Variants in NUP210L observed in about 807,000 individuals in gnomAD.
NUP210L encodes the protein nucleoporin 210 like.
A neutral mutation model predicts 208.5 loss-of-function variants in NUP210L; 74 were observed. The ratio of observed to expected loss-of-function variants is 0.35; its 90% confidence interval spans 0.29 to 0.43. The LOEUF is 0.43. Ranked by LOEUF, NUP210L falls within the 20% of genes least tolerant of loss-of-function variation. The pLI, the probability that NUP210L is intolerant of heterozygous loss-of-function variation, is 1.00. For synonymous variants in NUP210L, 780 were observed against 816.9 expected, an observed-to-expected ratio of 0.95 and a Z score of 0.77; for missense variants, 1,843 against 2,289.4, an observed-to-expected ratio of 0.81 and a Z score of 3.98.
intron 27 of NUP210L, among the ~76,000 whole-genome samples, chr1:154,041,071 C>T (rs1392601421): frequency 6.6e-6 from 1 of 151,926 alleles, no homozygotes; most frequent in African/African-American, 2.4e-5. Flanking sequence ...CTCAAGTGAT[C>T]CTCCTGCCTC....
chr1:154,111,885 T>A (rs574751083), intron 12 of NUP210L, among the ~76,000 whole-genome samples: 1 of 151,726 alleles, frequency 6.6e-6, no homozygotes, highest in South Asian at 2.1e-4. Context: ...GGAAAAACTC[T>A]TGACAAAATA....
Position 154,005,147 on chromosome 1 carries a change from G to A in NUP210L, c.4931-3162C>T, listed in dbSNP as rs527368097. 4.0e-5 allele frequency among the ~76,000 whole-genome samples: 6 copies of A among 151,226 alleles called. No homozygotes were observed. The South Asian group carries it at 8.4e-4, about 21-fold the overall frequency. On this transcript the variant is annotated intron_variant, in intron 35 of 39. Coordinates refer to ENST00000368559, the Ensembl canonical transcript of NUP210L. Reference sequence around the variant, plus strand: ...ATTACAGGCATGAGCCACCGTGCCCGGCCTCCTCTTTTCTTTTTCTTATCC... The same window carrying A: ...ATTACAGGCATGAGCCACCGTGCCCAGCCTCCTCTTTTCTTTTTCTTATCC...
chr1:154,092,628 C>T (rs1655991556), intron 15 of NUP210L, among the ~76,000 whole-genome samples: 1 of 151,438 alleles, frequency 6.6e-6, no homozygotes, highest in Admixed American at 6.6e-5. Context: ...CTCAAATGAT[C>T]CACCTGCCTC....
chr1:153,995,712 T>C lies in NUP210L; in HGVS notation c.5387-532A>G, dbSNP rs552103815. The C allele has an allele frequency of 4.2e-6, 4 of 959,534 alleles. No individual in the cohort carries two copies. In the East Asian group the frequency reaches 1.0e-4, roughly 24 times the overall value. 59.4% of individuals were successfully genotyped at this position (959,534 alleles called of 1,614,324 possible). A position where few individuals can be genotyped will look rare whatever the true frequency, so the allele number is the denominator to read the frequency against. On this transcript the variant is annotated intron_variant, in intron 37 of 39. Transcript: ENST00000368559. ...AAACTAGGCTGTCCCAAACCCTTGG[T>C]AATAGAATTGTTTACCTTTATACCA... is the stretch of plus-strand genomic sequence containing the variant.
intron 16 of NUP210L, among the ~76,000 whole-genome samples, chr1:154,077,816 C>A (rs1455831136): frequency 6.6e-6 from 1 of 151,838 alleles, no homozygotes; most frequent in African/African-American, 2.4e-5. Context: ...AAAACCCTGT[C>A]TCTACTAAAA....
At chr1:154,136,056 T>C (rs1039410979) in intron 6 of NUP210L, 84 bp from the exon 7 acceptor site, 5 of 942,458 alleles carry the variant, frequency 5.3e-6, no homozygotes, top group Non-Finnish European at 8.4e-6. Flanking sequence ...AAAGGAATGA[T>C]CAGGAAGCAG....
intron 25 of NUP210L, 72 bp downstream of exon 25, chr1:154,054,156 C>T: frequency 6.6e-7 from 1 of 1,515,976 alleles, no homozygotes; most frequent in Non-Finnish European, 9.1e-7. Flanking sequence ...CTCATTACCA[C>T]TGCCTCCCTA....
At chr1:154,068,538 G>C (rs922865607) in intron 17 of NUP210L, among the ~76,000 whole-genome samples, 33 of 152,120 alleles carry the variant, frequency 2.2e-4, no homozygotes, top group African/African-American at 7.9e-4. Flanking sequence ...AAATTAGCTG[G>C]GTGTGGTGGT....
At chr1:154,033,001 G>GA (rs1264936002) in intron 27 of NUP210L, among the ~76,000 whole-genome samples, 1 of 132,922 alleles carries the variant, frequency 7.5e-6, no homozygotes, top group African/African-American at 3.2e-5. Context: ...AAGAAAGAAA[G>GA]AAAAAAAGAA....
At position 154,125,752 on chromosome 1, in the gene NUP210L, GTTTTTTTTTTTTTTTTTTT is replaced by G. The variant is rs1162421953; in HGVS notation, c.1326+552_1326+570del. On this transcript the variant is annotated intron_variant, in intron 10 of 39. Transcript: ENST00000368559. ...AAGGAAGGAAGGGAGGGAGGGAAATGTTTTTTTTTTTTTTTTTTTTTTTTTTTTTTTTTGAGACGGAGTC... is the reference window on the plus strand; with the variant it reads ...AAGGAAGGAAGGGAGGGAGGGAAATGTTTTTTTTTTTTTTGAGACGGAGTC... Among the ~76,000 whole-genome samples, 2 of 3,070 alleles carry G rather than the reference GTTTTTTTTTTTTTTTTTTT, an allele frequency of 6.5e-4. 1 individual carries two copies. The highest frequency in any genetic ancestry group is 0.033 in the South Asian group (2 of 60). The allele number at this position is 3,070 out of a possible 152,430, so 2.0% of individuals were successfully genotyped here. A position where few individuals can be genotyped will look rare whatever the true frequency, so the allele number is the denominator to read the frequency against.
intron 2 of NUP210L, among the ~76,000 whole-genome samples, chr1:154,146,263 T>C (rs1659106073): frequency 6.6e-6 from 1 of 152,144 alleles, no homozygotes; most frequent in African/African-American, 2.4e-5. Flanking sequence ...CATTGAAATA[T>C]AGCCCCCAAA....
intron 32 of NUP210L, among the ~76,000 whole-genome samples, chr1:154,020,241 T>C (rs941193768): frequency 3.3e-5 from 5 of 152,224 alleles, no homozygotes; most frequent in African/African-American, 1.2e-4. Context: ...GCCAAAACCA[T>C]ACATTACTAC....
intron 16 of NUP210L, among the ~76,000 whole-genome samples, chr1:154,084,912 A>G (rs1055447157): frequency 5.3e-5 from 8 of 149,784 alleles, no homozygotes; most frequent in Non-Finnish European, 7.4e-5. Flanking sequence ...ATGTGTGGAA[A>G]TTAAAAATAC....
At chr1:153,993,200 A>G in intron 38 of NUP210L, 111 bp from the exon 39 acceptor site, 1 of 672,946 alleles carries the variant, frequency 1.5e-6, no homozygotes, top group Admixed American at 3.1e-5. Flanking sequence ...AATAAGTAAT[A>G]GTAATGGCAC....
chr1:154,090,364 A>G (rs1308764207), intron 15 of NUP210L, among the ~76,000 whole-genome samples: 1 of 152,258 alleles, frequency 6.6e-6, no homozygotes, highest in South Asian at 2.1e-4. Context: ...ATGTGGAAAC[A>G]AAAAGAAATT....
At position 153,998,700 on chromosome 1, in the gene NUP210L, T is replaced by C. The variant is rs913765935; in HGVS notation, c.5386+2156A>G. Among the ~76,000 whole-genome samples the C allele has an allele frequency of 4.0e-5, 6 of 148,568 alleles. 1 individual carries two copies. On this transcript the variant is annotated intron_variant, in intron 37 of 39. Transcript: ENST00000368559. ...TTCCAATACATTCTGTGATAGTATCTAGAGATCCTTTTTTTTTTTTTTTTT... is the reference window on the plus strand; with the variant it reads ...TTCCAATACATTCTGTGATAGTATCCAGAGATCCTTTTTTTTTTTTTTTTT...
intron 16 of NUP210L, among the ~76,000 whole-genome samples, chr1:154,083,019 G>A (rs1430518177): frequency 3.9e-5 from 6 of 152,206 alleles, no homozygotes; most frequent in Non-Finnish European, 5.9e-5. Flanking sequence ...TTCGTGGTGA[G>A]TGTTACAGCT....
intron 25 of NUP210L, among the ~76,000 whole-genome samples, chr1:154,050,674 A>G (rs1303431900): frequency 6.6e-6 from 1 of 152,182 alleles, no homozygotes; most frequent in Admixed American, 6.5e-5. Flanking sequence ...GCTTTTATAA[A>G]TAGTCTTTCT....
chr1:154,099,857 TA>T, intron 14 of NUP210L, 140 bp downstream of exon 14: 1 of 837,972 alleles, frequency 1.2e-6, no homozygotes, highest in Non-Finnish European at 1.9e-6. Flanking sequence ...GCTGTAGATC[TA>T]AAAACAAAAA....
Sources: gnomAD v4.1 joint callset for allele counts (sites outside exome capture counted in the v4.1 genomes callset) on GRCh38, gnomAD v4.1.1 for gene constraint, MANE v1.5 for transcripts, NCBI Gene and HGNC (gene_info 2026-07-23, HGNC 2026-07-21) for gene names.